Variants in DOCK5 observed in about 807,000 individuals in gnomAD.
The protein encoded by DOCK5 is dedicator of cytokinesis 5.
Under a neutral mutation model 251.8 loss-of-function variants are expected in DOCK5, and 142 were observed. The observed-to-expected ratio is 0.56, with a 90% CI of 0.49 to 0.65. The LOEUF is 0.65. Ranked by LOEUF, DOCK5 falls within the 30% of genes least tolerant of loss-of-function variation. DOCK5 has a pLI of 0.00. For missense variants in DOCK5, 2,111 were observed against 2,312.3 expected (o/e 0.91, Z 1.79); for synonymous variants, 842 against 835.5 (o/e 1.01, Z -0.13).
intron 27 of DOCK5, among the ~76,000 whole-genome samples, chr8:25,352,478 C>G (rs1287048162): frequency 6.6e-6 from 1 of 152,080 alleles, no homozygotes; most frequent in East Asian, 1.9e-4. Context: ...CGGGTAACAA[C>G]TATGATAGAG....
chr8:25,261,205 G>A (rs1803570500), intron 2 of DOCK5, among the ~76,000 whole-genome samples: 1 of 152,076 alleles, frequency 6.6e-6, no homozygotes, highest in Non-Finnish European at 1.5e-5. Flanking sequence ...TTATATGCTT[G>A]TGTGTTTACA....
chr8:25,194,385 A>G (rs1045587843), intron 1 of DOCK5, among the ~76,000 whole-genome samples: 5 of 152,158 alleles, frequency 3.3e-5, no homozygotes, highest in Admixed American at 1.3e-4. Context: ...CTTTACTTCT[A>G]GAAACATTTT....
intron 5 of DOCK5, among the ~76,000 whole-genome samples, chr8:25,279,540 C>T (rs1804134424): frequency 1.3e-5 from 2 of 151,828 alleles, no homozygotes; most frequent in South Asian, 4.2e-4. Flanking sequence ...TGTCCCGGCT[C>T]ACTGCAAGCT....
intron 1 of DOCK5, among the ~76,000 whole-genome samples, chr8:25,213,394 C>T (rs900659983): frequency 2.1e-5 from 3 of 144,016 alleles, no homozygotes; most frequent in African/African-American, 5.1e-5. Flanking sequence ...AGCTGATAAT[C>T]TCTAGGTTTC....
intron 1 of DOCK5, among the ~76,000 whole-genome samples, chr8:25,239,243 A>C (rs922074714): frequency 6.6e-6 from 1 of 151,980 alleles, no homozygotes. Context: ...ACGGGCTGGG[A>C]CAATTTTGGA....
Position 25,370,464 on chromosome 8 carries a change from G to A in DOCK5, c.3524+823G>A, listed in dbSNP as rs542291677. Among the ~76,000 whole-genome samples the A allele has an allele frequency of 5.4e-4, 82 of 151,980 alleles. 2 individuals are homozygous for A. The South Asian group carries it at 0.017, about 31-fold the overall frequency. ...GCAGAGTTCATGACTAATAAATATT[G>A]GCTGCTCTGGTGTTCATGGTTGTTA... On this transcript the variant is annotated intron_variant, in intron 34 of 51. Transcript: ENST00000276440.
chr8:25,325,217 T>C (rs1377340203), intron 17 of DOCK5, 147 bp from the exon 18 acceptor site: 5 of 745,664 alleles, frequency 6.7e-6, no homozygotes, highest in South Asian at 2.0e-5. Context: ...CAGAAAGATA[T>C]CAGAGTATCT....
chr8:25,358,940 T>A, intron 27 of DOCK5, 23 bp from the exon 28 acceptor site: 1 of 1,608,560 alleles, frequency 6.2e-7, no homozygotes, highest in Non-Finnish European at 8.5e-7. Context: ...AGTCTTGGAT[T>A]TGTGCTTTCC....
At chr8:25,315,911 T>A (rs1805236887) in intron 13 of DOCK5, among the ~76,000 whole-genome samples, 1 of 152,240 alleles carries the variant, frequency 6.6e-6, no homozygotes, top group African/African-American at 2.4e-5. Context: ...TTTCTTATAG[T>A]GTTAAAAGGT....
intron 19 of DOCK5, 34 bp downstream of exon 19, chr8:25,332,382 T>A: frequency 6.6e-7 from 1 of 1,505,922 alleles, no homozygotes; most frequent in Non-Finnish European, 9.2e-7. Context: ...GAAATACACA[T>A]ACCTACATAT....
intron 17 of DOCK5, 37 bp downstream of exon 17, chr8:25,323,988 C>T (rs922895625): frequency 6.5e-7 from 1 of 1,542,966 alleles, no homozygotes; most frequent in Non-Finnish European, 8.8e-7. Flanking sequence ...AAAATACTCC[C>T]TTTCAAATGA....
chr8:25,308,143 A>G (rs574612442), intron 11 of DOCK5, among the ~76,000 whole-genome samples: 4 of 152,168 alleles, frequency 2.6e-5, no homozygotes, highest in Non-Finnish European at 5.9e-5. Context: ...CCTTCAGTAG[A>G]ATGGAGGCTG....
intron 1 of DOCK5, among the ~76,000 whole-genome samples, chr8:25,238,581 C>T (rs1472658759): frequency 6.6e-6 from 1 of 152,188 alleles, no homozygotes; most frequent in Non-Finnish European, 1.5e-5. Context: ...AAGGGATGTG[C>T]TTCTAACATG....
chr8:25,297,030 G>A (rs1440016969), intron 7 of DOCK5, among the ~76,000 whole-genome samples: 1 of 152,092 alleles, frequency 6.6e-6, no homozygotes, highest in East Asian at 1.9e-4. Context: ...TCTTAAATGT[G>A]TAATCTCTTG....
At chr8:25,291,780 C>A (rs1352503895) in intron 5 of DOCK5, among the ~76,000 whole-genome samples, 1 of 147,756 alleles carries the variant, frequency 6.8e-6, no homozygotes, top group Non-Finnish European at 1.5e-5. Context: ...TGGTGAGACC[C>A]TGTCTCTACT....
intron 1 of DOCK5, among the ~76,000 whole-genome samples, chr8:25,199,187 AGT>A (rs1801807826): frequency 2.6e-5 from 4 of 152,206 alleles, no homozygotes; most frequent in Admixed American, 1.3e-4. Context: ...TGTTTTGCAA[AGT>A]AAACGTTTAA....
At chr8:25,327,267 T>C (rs1320279073) in intron 18 of DOCK5, among the ~76,000 whole-genome samples, 3 of 152,240 alleles carry the variant, frequency 2.0e-5, no homozygotes, top group African/African-American at 7.2e-5. Flanking sequence ...ATAATTCTTG[T>C]TTTCTTTATT....
intron 5 of DOCK5, among the ~76,000 whole-genome samples, chr8:25,287,844 T>G (rs1225207315): frequency 6.6e-6 from 1 of 150,472 alleles, no homozygotes; most frequent in African/African-American, 2.4e-5. Flanking sequence ...GGAGAGCAAC[T>G]GGAGAGAGAA....
At chr8:25,224,352 C>G (rs149523184) in intron 1 of DOCK5, among the ~76,000 whole-genome samples, 3,726 of 152,288 alleles carry the variant, frequency 0.024, 121 homozygotes, top group African/African-American at 0.078. Context: ...CTCCTGGCCT[C>G]AAGTGATCTG....
Sources: allele counts gnomAD v4.1 joint callset (sites outside exome capture counted in the v4.1 genomes callset), GRCh38; gene constraint gnomAD v4.1.1; transcripts MANE v1.5; gene names NCBI Gene and HGNC (gene_info 2026-07-23, HGNC 2026-07-21).